Variants in SIRPB1 observed in about 807,000 individuals in gnomAD.
SIRPB1 encodes the protein signal regulatory protein beta 1, also known as signal-regulatory protein beta-1.
In SIRPB1, 28 loss-of-function variants were observed where a neutral mutation model predicts 34.1. The ratio of observed to expected loss-of-function variants is 0.82; its 90% CI spans 0.61 to 1.12. The LOEUF is 1.12. Among genes scored for constraint, SIRPB1 ranks in the 50% most tolerant of loss-of-function variants. The pLI, the probability that SIRPB1 is intolerant of heterozygous loss-of-function variation, is 0.00. For synonymous variants in SIRPB1, 211 were observed against 203.8 expected, an observed-to-expected ratio of 1.04 and a Z score of -0.30; for missense variants, 499 against 507.0, an observed-to-expected ratio of 0.98 and a Z score of 0.15.
chr20:1,614,446 T>G (rs1162006657), intron 1 of SIRPB1, among the ~76,000 whole-genome samples: 1 of 152,174 alleles, frequency 6.6e-6, no homozygotes, highest in Non-Finnish European at 1.5e-5. Context: ...CTTCTTGTCC[T>G]CCTCTACTGT....
At chr20:1,568,645 C>G (rs905817992) in intron 4 of SIRPB1, among the ~76,000 whole-genome samples, 1 of 152,054 alleles carries the variant, frequency 6.6e-6, no homozygotes. Context: ...AGCCCAGCAG[C>G]CAAACAGCAG....
At position 1,561,483 on chromosome 20, in the gene SIRPB1, T is replaced by C. The variant is rs1172156969; in HGVS notation, c.*4017A>G. Among the ~76,000 whole-genome samples, 1 of 152,224 alleles carries C rather than the reference T, an allele frequency of 6.6e-6. No individual in the cohort carries two copies. Among genetic ancestry groups the C allele is most frequent in the Admixed American group, 6.5e-5 (1 of 15,282 alleles). On this transcript the variant is annotated 3_prime_UTR_variant, in exon 6 of 6. Coordinates refer to ENST00000381605, the MANE Select transcript of SIRPB1 (RefSeq NM_006065.5). ...ATCCAGGATACCTGTTACATTTACT[T>C]GTCATATCTCCTCAAGCTTCTCTTG... is the stretch of plus-strand genomic sequence containing the variant.
At chr20:1,590,289 GA>G (rs2091437715) in intron 1 of SIRPB1, among the ~76,000 whole-genome samples, 1 of 49,160 alleles carries the variant, frequency 2.0e-5, no homozygotes, top group South Asian at 7.2e-4. Flanking sequence ...TGCACAGGGT[GA>G]AATCTTCCCC....
At chr20:1,577,312 T>C (rs2091327121) in intron 2 of SIRPB1, among the ~76,000 whole-genome samples, 1 of 147,700 alleles carries the variant, frequency 6.8e-6, no homozygotes, top group Non-Finnish European at 1.5e-5. Context: ...GATTCAGATA[T>C]GGACTCTGGC....
At position 1,604,791 on chromosome 20, in the gene SIRPB1, C is replaced by T; in HGVS notation, c.76+15078G>A. ...CAGTCCCACGAAGAGGGTCCCCCTG[C>T]AAGGTGACGTGGGCCACCTCGCAGA... On this transcript the variant is annotated intron_variant, in intron 1 of 5. Coordinates refer to ENST00000381605, the MANE Select transcript of SIRPB1 (RefSeq NM_006065.5). The T allele has an allele frequency of 4.6e-6, 3 of 646,724 alleles. 1 individual carries two copies. The highest frequency in any genetic ancestry group is 6.0e-5 in the East Asian group (1 of 16,718). 40.1% of individuals were successfully genotyped at this position (646,724 alleles called of 1,614,324 possible). A position where few individuals can be genotyped will look rare whatever the true frequency, so the allele number is the denominator to read the frequency against.
At position 1,576,848 on chromosome 20, in the gene SIRPB1, A is replaced by G. The variant is rs972999736; in HGVS notation, c.433+1490T>C. Among the ~76,000 whole-genome samples, 3 of 148,586 alleles carry G rather than the reference A, an allele frequency of 2.0e-5. 1 individual carries two copies. Among genetic ancestry groups the G allele is most frequent in the Non-Finnish European group, 4.5e-5 (3 of 66,316 alleles). On this transcript the variant is annotated intron_variant, in intron 2 of 5. Transcript: ENST00000381605. ...ATATTCTCAAATATGAAAACACACT[A>G]TCCTCTGACCTAGAAACACCACTTC...
At chr20:1,607,749 G>A (rs1424149643) in intron 1 of SIRPB1, among the ~76,000 whole-genome samples, 1 of 50,694 alleles carries the variant, frequency 2.0e-5, no homozygotes, top group Non-Finnish European at 3.5e-5. Context: ...GATGCCCTAA[G>A]CATTTTACAC....
At chr20:1,567,976 G>A (rs573507508) in intron 4 of SIRPB1, among the ~76,000 whole-genome samples, 8 of 152,298 alleles carry the variant, frequency 5.3e-5, no homozygotes, top group Admixed American at 2.6e-4. Context: ...GAATCACAGC[G>A]GAGCATGAAT....
Position 1,578,440 on chromosome 20 carries a change from T to C in SIRPB1, c.331A>G (p.Thr111Ala). The change falls in exon 2 of 6, where the codon ACC becomes GCC. Residue 111 changes from threonine (T) to alanine (A), a missense_variant. By Grantham distance (58) the Thr-to-Ala change is moderately conservative. Transcript: ENST00000381605. Reference sequence around the variant, plus strand: ...TAGTAGGTGCCGGCGTCTGCTGGGGTGATGTTACTGATGCTGATGGAAAAG... The same window carrying C: ...TAGTAGGTGCCGGCGTCTGCTGGGGCGATGTTACTGATGCTGATGGAAAAG... The part of the protein sequence containing the change: ...LDFSISISNI[T>A]PADAGTYYCV... 2 of 1,584,250 alleles carry C rather than the reference T, an allele frequency of 1.3e-6. No individual in the cohort carries two copies. Among genetic ancestry groups the C allele is most frequent in the South Asian group, 2.2e-5 (2 of 90,506 alleles).
chr20:1,611,174 C>T (rs1288709618), intron 1 of SIRPB1, among the ~76,000 whole-genome samples: 2 of 72,276 alleles, frequency 2.8e-5, no homozygotes, highest in Non-Finnish European at 5.2e-5. Context: ...CGTGGAGCCT[C>T]GAGCGACTGC....
In SIRPB1 at chr20:1,588,788, GA is replaced by G. The variant is rs1477129455; in HGVS notation, c.77-10095del. 7.9e-6 allele frequency: 2 copies of G among 254,444 alleles called. 1 individual carries two copies. Among genetic ancestry groups the G allele is most frequent in the Admixed American group, 1.2e-4 (2 of 16,148 alleles). The allele number at this position is 254,444 out of a possible 1,614,324, so 15.8% of individuals were successfully genotyped here. A position where few individuals can be genotyped will look rare whatever the true frequency, so the allele number is the denominator to read the frequency against. Reference sequence around the variant, plus strand: ...CAACTTGCTTCTAGATTGTAACTTAGAAATCAGGCACAGCAGGCAGCTACAA... The same window carrying G: ...CAACTTGCTTCTAGATTGTAACTTAGAATCAGGCACAGCAGGCAGCTACAA... On this transcript the variant is annotated intron_variant, in intron 1 of 5. Coordinates refer to ENST00000381605, the MANE Select transcript of SIRPB1 (RefSeq NM_006065.5).
chr20:1,617,473 A>T (rs745933451), intron 1 of SIRPB1, among the ~76,000 whole-genome samples: 1 of 152,230 alleles, frequency 6.6e-6, no homozygotes, highest in Non-Finnish European at 1.5e-5. Flanking sequence ...CATATGTGGA[A>T]TTTTAAAAAG....
chr20:1,570,536 T>C lies in SIRPB1; in HGVS notation c.1084+269A>G, dbSNP rs549548011. ...CCTCCCTCTCTCTTTTTTCCTTTAA[T>C]GTATATTTATGTCAAAATATCTATC... On this transcript the variant is annotated intron_variant, in intron 4 of 5. Transcript: ENST00000381605. 1.0e-4 allele frequency: 34 copies of C among 336,616 alleles called. No individual in the cohort carries two copies. In the East Asian group the frequency reaches 1.7e-3, roughly 17 times the overall value. 20.9% of individuals were successfully genotyped at this position (336,616 alleles called of 1,614,324 possible).
Position 1,571,038 on chromosome 20 carries a change from A to G in SIRPB1, c.851T>C (p.Leu284Pro). Residue 284 changes from leucine to proline, a missense_variant, in exon 4 of 6, where the codon CTG becomes CCG. Physicochemically the swap from Leu to Pro is moderately conservative, Grantham distance 98. Coordinates refer to ENST00000381605, the MANE Select transcript of SIRPB1 (RefSeq NM_006065.5). ...CACATTTCCATTCTCCAACCAGGTC[A>G]GCTGTAGTCCCCGGGGGTAGAAATT... Reference protein sequence around the residue: ...VSNFYPRGLQLTWLENGNVSR... With the variant: ...VSNFYPRGLQPTWLENGNVSR... The G allele has an allele frequency of 6.2e-7, 1 of 1,614,200 alleles. No individual in the cohort carries two copies. The highest frequency in any genetic ancestry group is 8.5e-7 in the Non-Finnish European group (1 of 1,180,004).
intron 1 of SIRPB1, among the ~76,000 whole-genome samples, chr20:1,617,452 A>C (rs961042876): frequency 1.8e-4 from 27 of 152,224 alleles, no homozygotes; most frequent in Non-Finnish European, 3.2e-4. Flanking sequence ...ACAATACTGC[A>C]TAATGTCTCT....
chr20:1,577,728 C>T (rs1297388052), intron 2 of SIRPB1, among the ~76,000 whole-genome samples: 1 of 146,662 alleles, frequency 6.8e-6, no homozygotes, highest in African/African-American at 2.5e-5. Flanking sequence ...GTGAATGTGC[C>T]TCCGAGAAAT....
At chr20:1,578,151 G>A in intron 2 of SIRPB1, 187 bp downstream of exon 2, 1 of 652,420 alleles carries the variant, frequency 1.5e-6, no homozygotes, top group Non-Finnish European at 2.6e-6. Flanking sequence ...AAGCCGTGGA[G>A]CCTCGAGCGA....
rs2122149950 is a variant in SIRPB1 at position 1,564,245 on chromosome 20, A to G, written c.*1255T>C. The G allele has an allele frequency of 6.6e-6, 1 of 152,280 alleles. No individual in the cohort carries two copies. Among genetic ancestry groups the G allele is most frequent in the Non-Finnish European group, 1.5e-5 (1 of 68,018 alleles). The allele number at this position is 152,280 out of a possible 1,614,324, so 9.4% of individuals were successfully genotyped here. On this transcript the variant is annotated 3_prime_UTR_variant, in exon 6 of 6. Transcript: ENST00000381605. The stretch of plus-strand genomic sequence containing the variant: ...TTCAGGTTGCACAGTCATTTTTGCA[A>G]TCTTGCACTGCCATGAAAAGTGAGG...
chr20:1,570,711 A>G (rs1727772679), intron 4 of SIRPB1, 94 bp downstream of exon 4: 7 of 1,052,324 alleles, frequency 6.7e-6, no homozygotes, highest in Non-Finnish European at 9.8e-6. Flanking sequence ...TCTACTTTAT[A>G]TTTATAGACT....
Sources: gnomAD v4.1 joint callset for allele counts (sites outside exome capture counted in the v4.1 genomes callset) on GRCh38, gnomAD v4.1.1 for gene constraint, MANE v1.5 for transcripts, NCBI Gene and HGNC (gene_info 2026-07-23, HGNC 2026-07-21) for gene names.